CYP4X1: variants seen among roughly 807,000 people sequenced by gnomAD.
CYP4X1 encodes the protein cytochrome P450 4X1.
In CYP4X1, 44 loss-of-function variants were observed where a neutral mutation model predicts 57.9. That is an observed-to-expected ratio of 0.76 (90% CI 0.60 to 0.98). The LOEUF is 0.98. Ranked by LOEUF, CYP4X1 falls within the 50% of genes least tolerant of loss-of-function variation. The probability of loss-of-function intolerance (pLI) is 0.00; values close to 1 mark genes in which losing one functional copy is unlikely to be tolerated. For missense variants in CYP4X1, 532 were observed against 623.9 expected (o/e 0.85, Z 1.57); for synonymous variants, 227 against 228.6 (o/e 0.99, Z 0.06).
chr1:46,970,554 AT>A, the CYP4X1 span, among the ~76,000 whole-genome samples: 3 of 152,262 alleles, frequency 2.0e-5, no homozygotes, highest in African/African-American at 7.2e-5. Flanking sequence ...TTAAAGAAAA[AT>A]TTTGCTTGCT....
intron 6 of CYP4X1, 41 bp downstream of exon 6, chr1:47,036,212 A>T (rs1193323189): frequency 6.4e-7 from 1 of 1,574,284 alleles, no homozygotes; most frequent in Non-Finnish European, 8.6e-7. Flanking sequence ...ATACGCTGCC[A>T]TGATTGTACT....
At chr1:47,038,879 C>G in intron 7 of CYP4X1, 113 bp downstream of exon 7, 1 of 751,460 alleles carries the variant, frequency 1.3e-6, no homozygotes, top group South Asian at 2.4e-5. Context: ...CTAAATTTAA[C>G]TGTACTTTGA....
intron 8 of CYP4X1, among the ~76,000 whole-genome samples, chr1:47,040,228 C>A (rs1644230338): frequency 6.6e-6 from 1 of 152,070 alleles, no homozygotes; most frequent in African/African-American, 2.4e-5. Flanking sequence ...CCTACCCTGG[C>A]ATGGGAGCTC....
chr1:47,023,023 C>A (rs565057452), upstream of CYP4X1, among the ~76,000 whole-genome samples: 2 of 152,310 alleles, frequency 1.3e-5, no homozygotes, highest in African/African-American at 4.8e-5. Flanking sequence ...CTAGAGTCAG[C>A]CCTTCATGGG....
chr1:47,007,209 G>A, the CYP4X1 span, among the ~76,000 whole-genome samples: 1 of 152,188 alleles, frequency 6.6e-6, no homozygotes, highest in Non-Finnish European at 1.5e-5. Context: ...CACACGGCCA[G>A]GTACTCCTCT....
chr1:47,013,759 C>CTTTTTT, the CYP4X1 span, among the ~76,000 whole-genome samples: 5 of 122,110 alleles, frequency 4.1e-5, no homozygotes, highest in East Asian at 2.4e-4. Context: ...TCAATATACT[C>CTTTTTT]TTTTTTTTTT....
the CYP4X1 span, among the ~76,000 whole-genome samples, chr1:46,964,549 A>G: frequency 6.6e-6 from 1 of 152,198 alleles, no homozygotes; most frequent in Non-Finnish European, 1.5e-5. Context: ...AGGCTGCAGA[A>G]CAGTGAATAT....
chr1:46,995,447 C>A, the CYP4X1 span, among the ~76,000 whole-genome samples: 1 of 152,016 alleles, frequency 6.6e-6, no homozygotes, highest in Non-Finnish European at 1.5e-5. Flanking sequence ...GGTAGAGGGA[C>A]AAGCACCGAG....
At chr1:47,042,422 G>A (rs1031050342) in intron 8 of CYP4X1, among the ~76,000 whole-genome samples, 1 of 151,588 alleles carries the variant, frequency 6.6e-6, no homozygotes, top group Admixed American at 6.6e-5. Flanking sequence ...TGCAATTTGT[G>A]TTTTCTTCAA....
At chr1:46,988,901 C>G in the CYP4X1 span, among the ~76,000 whole-genome samples, 5 of 152,074 alleles carry the variant, frequency 3.3e-5, no homozygotes, top group Admixed American at 6.6e-5. Flanking sequence ...TGGAACATAT[C>G]TCAAAATAAG....
At chr1:46,983,195 G>A in the CYP4X1 span, among the ~76,000 whole-genome samples, 1 of 152,210 alleles carries the variant, frequency 6.6e-6, no homozygotes, top group Admixed American at 6.5e-5. Context: ...GGGTATTGCT[G>A]CAGTGGCAGA....
chr1:47,001,121 G>T, the CYP4X1 span: 1 of 226,328 alleles, frequency 4.4e-6, no homozygotes. Flanking sequence ...GTGGTTTCAG[G>T]CCCCATTTTG....
the CYP4X1 span, among the ~76,000 whole-genome samples, chr1:46,986,931 A>T: frequency 6.6e-6 from 1 of 152,222 alleles, no homozygotes; most frequent in Non-Finnish European, 1.5e-5. Flanking sequence ...AATATACCAA[A>T]TTGTAAAGAC....
At chr1:47,031,852 G>C (rs560345985) in intron 3 of CYP4X1, among the ~76,000 whole-genome samples, 5 of 152,200 alleles carry the variant, frequency 3.3e-5, no homozygotes, top group Admixed American at 3.3e-4. Context: ...GACCAGCTGG[G>C]CCAACATGGT....
the CYP4X1 span, among the ~76,000 whole-genome samples, chr1:46,984,277 TTCTC>T: frequency 6.6e-6 from 1 of 151,810 alleles, no homozygotes; most frequent in Admixed American, 6.6e-5. Flanking sequence ...TGTCTCACTC[TTCTC>T]TCTGTGGGTT....
intron 8 of CYP4X1, 23 bp from the exon 9 acceptor site, chr1:47,046,444 C>T (rs376322382): frequency 2.9e-5 from 47 of 1,609,604 alleles, no homozygotes; most frequent in Non-Finnish European, 3.9e-5. Context: ...TATCTGAGTC[C>T]CTTCCCTCCC....
rs1322416991 is a variant in CYP4X1 at position 47,039,532 on chromosome 1, G to T, written c.1073G>T (p.Trp358Leu). 6.3e-7 allele frequency: 1 copy of T among 1,597,632 alleles called. No individual in the cohort carries two copies. The highest frequency in any genetic ancestry group is 1.4e-5 in the African/African-American group (1 of 73,836). Residue 358 changes from tryptophan (W) to leucine (L), a missense_variant and splice_region_variant, in exon 8 of 12, where the codon TGG (tryptophan) becomes TTG (leucine). Trp to Leu is a moderately conservative substitution (Grantham distance 61). Transcript: ENST00000371901. ...GILGDGSSIT[W>L]DQLGEMSYTT... ...CTGGGGGATGGGTCTTCTATCACTT[G>T]GTAAGATCTGCACCCCTAAATTTTC...
chr1:47,005,523 G>A, the CYP4X1 span, among the ~76,000 whole-genome samples: 5 of 152,168 alleles, frequency 3.3e-5, no homozygotes, highest in Non-Finnish European at 5.9e-5. Flanking sequence ...AGCATTCCAA[G>A]CTATTGGATC....
upstream of CYP4X1, among the ~76,000 whole-genome samples, chr1:47,023,107 A>G (rs989386391): frequency 5.3e-5 from 8 of 152,244 alleles, no homozygotes; most frequent in Non-Finnish European, 1.0e-4. Flanking sequence ...CTGTCATCTT[A>G]GAATTGTTAA....
Sources: allele counts gnomAD v4.1 joint callset (sites outside exome capture counted in the v4.1 genomes callset), GRCh38; gene constraint gnomAD v4.1.1; transcripts MANE v1.5; gene names NCBI Gene and HGNC (gene_info 2026-07-23, HGNC 2026-07-21).